Variants in NCAM2 observed in about 807,000 individuals in gnomAD.
The protein encoded by NCAM2 is N-CAM-2.
NCAM2 carries 30 observed loss-of-function variants against 98.1 expected under a neutral mutation model. The ratio of observed to expected loss-of-function variants is 0.31; its 90% CI spans 0.23 to 0.41. The LOEUF (loss-of-function observed/expected upper bound fraction) is 0.41, where lower values mean the gene tolerates loss of function less well. Among genes scored for constraint, NCAM2 ranks in the 10% least tolerant of loss-of-function variants. The pLI, the probability that NCAM2 is intolerant of heterozygous loss-of-function variation, is 1.00. For missense variants in NCAM2, 867 were observed against 1,005.8 expected (o/e 0.86, Z 1.87); for synonymous variants, 368 against 342.4 (o/e 1.07, Z -0.83).
intron 8 of NCAM2, among the ~76,000 whole-genome samples, chr21:21,345,538 T>A (rs1403890354): frequency 6.6e-6 from 1 of 151,692 alleles, no homozygotes; most frequent in Non-Finnish European, 1.5e-5. Flanking sequence ...GCAGAAGAAA[T>A]AGTCAGCTTG....
intron 15 of NCAM2, among the ~76,000 whole-genome samples, chr21:21,483,306 T>C (rs1421800040): frequency 1.3e-5 from 2 of 152,006 alleles, no homozygotes; most frequent in Non-Finnish European, 2.9e-5. Context: ...AATTCTGCCC[T>C]CTGGGAACAT....
intron 15 of NCAM2, among the ~76,000 whole-genome samples, chr21:21,479,219 A>G (rs991861623): frequency 6.6e-6 from 1 of 152,158 alleles, no homozygotes; most frequent in Admixed American, 6.5e-5. Context: ...CATAGATAAA[A>G]CATAAAATCA....
intron 1 of NCAM2, among the ~76,000 whole-genome samples, chr21:21,030,951 T>TAA (rs148221926): frequency 6.6e-6 from 1 of 151,942 alleles, no homozygotes; most frequent in East Asian, 1.9e-4. Context: ...GAATTTAAAA[T>TAA]AAAAAAGATA....
At chr21:21,389,960 C>T (rs900958230) in intron 9 of NCAM2, among the ~76,000 whole-genome samples, 2 of 152,188 alleles carry the variant, frequency 1.3e-5, no homozygotes, top group South Asian at 2.1e-4. Context: ...AGCTATTCTC[C>T]TGCCTCAGCC....
intron 1 of NCAM2, among the ~76,000 whole-genome samples, chr21:21,178,229 T>A (rs1472926314): frequency 6.6e-6 from 1 of 152,184 alleles, no homozygotes; most frequent in Non-Finnish European, 1.5e-5. Flanking sequence ...TATCTATATT[T>A]TTATTCCTTA....
chr21:21,165,248 A>T (rs1171774893), intron 1 of NCAM2, among the ~76,000 whole-genome samples: 1 of 152,140 alleles, frequency 6.6e-6, no homozygotes, highest in African/African-American at 2.4e-5. Flanking sequence ...CCCCTAAATG[A>T]TGAATGACAG....
intron 1 of NCAM2, among the ~76,000 whole-genome samples, chr21:21,119,251 A>G (rs1181212064): frequency 6.6e-6 from 1 of 152,142 alleles, no homozygotes; most frequent in Non-Finnish European, 1.5e-5. Context: ...TACTTTAATT[A>G]ATGTCACATC....
At chr21:21,047,603 T>C (rs1453776878) in intron 1 of NCAM2, among the ~76,000 whole-genome samples, 2 of 152,174 alleles carry the variant, frequency 1.3e-5, no homozygotes, top group Admixed American at 1.3e-4. Flanking sequence ...TTTCTACAAC[T>C]GTAGGGATAA....
intron 1 of NCAM2, among the ~76,000 whole-genome samples, chr21:21,226,982 G>A (rs939765373): frequency 1.3e-5 from 2 of 151,972 alleles, no homozygotes; most frequent in South Asian, 2.1e-4. Context: ...AGAACTATTA[G>A]CAAGTTGGTA....
chr21:21,251,147 A>T (rs1299076469), intron 1 of NCAM2, among the ~76,000 whole-genome samples: 2 of 152,068 alleles, frequency 1.3e-5, no homozygotes, highest in Middle Eastern at 6.3e-3. Context: ...ATAAGCCAGA[A>T]TTATTATTTT....
At chr21:21,328,209 A>G (rs924280293) in intron 6 of NCAM2, among the ~76,000 whole-genome samples, 7 of 152,172 alleles carry the variant, frequency 4.6e-5, no homozygotes, top group Non-Finnish European at 8.8e-5. Context: ...AGCTCAACAT[A>G]TTACTCATGA....
Position 21,020,954 on chromosome 21 carries a change from TC to T in NCAM2, c.55+22337del, listed in dbSNP as rs778535954. Among the ~76,000 whole-genome samples the T allele has an allele frequency of 3.3e-5, 5 of 152,150 alleles. No individual in the cohort carries two copies. The East Asian group carries it at 7.8e-4, about 24-fold the overall frequency. ...AGACAAAGTCCGTTTATCCCTCAAA[TC>T]TTTCTGTGGTGGTTATAGTAAAGAT... On this transcript the variant is annotated intron_variant, in intron 1 of 17. Transcript: ENST00000400546.
intron 1 of NCAM2, among the ~76,000 whole-genome samples, chr21:21,055,506 A>G (rs925258971): frequency 6.6e-6 from 1 of 152,126 alleles, no homozygotes; most frequent in Non-Finnish European, 1.5e-5. Flanking sequence ...GATAGGGAAC[A>G]TGAACAGCTC....
intron 1 of NCAM2, among the ~76,000 whole-genome samples, chr21:21,082,965 A>C (rs921632509): frequency 6.6e-6 from 1 of 152,224 alleles, no homozygotes; most frequent in African/African-American, 2.4e-5. Context: ...TCTTTTTAGA[A>C]ATCTGAGTTA....
chr21:21,173,373 G>A (rs1277789466), intron 1 of NCAM2, among the ~76,000 whole-genome samples: 2 of 152,162 alleles, frequency 1.3e-5, no homozygotes, highest in African/African-American at 2.4e-5. Context: ...CTTGCTTAGA[G>A]GCACATTAAT....
At chr21:21,522,239 G>A (rs1211714496) in intron 16 of NCAM2, among the ~76,000 whole-genome samples, 1 of 143,420 alleles carries the variant, frequency 7.0e-6, no homozygotes, top group Non-Finnish European at 1.5e-5. Flanking sequence ...TATTTATGAA[G>A]ATGAATATAT....
chr21:21,170,963 A>G (rs1159699871), intron 1 of NCAM2, among the ~76,000 whole-genome samples: 1 of 152,040 alleles, frequency 6.6e-6, no homozygotes, highest in Non-Finnish European at 1.5e-5. Context: ...AAAAAATGTT[A>G]CGAGTTGTGA....
intron 9 of NCAM2, among the ~76,000 whole-genome samples, chr21:21,390,059 A>C (rs1472023177): frequency 6.6e-6 from 1 of 152,158 alleles, no homozygotes; most frequent in African/African-American, 2.4e-5. Context: ...CATGTTGACC[A>C]GGATGGTCTC....
chr21:21,157,100 G>A (rs1054276420), intron 1 of NCAM2, among the ~76,000 whole-genome samples: 1 of 151,910 alleles, frequency 6.6e-6, no homozygotes, highest in Non-Finnish European at 1.5e-5. Flanking sequence ...CCTGCCACGT[G>A]TTCCTTATCC....
Sources: gnomAD v4.1 joint callset for allele counts (sites outside exome capture counted in the v4.1 genomes callset) on GRCh38, gnomAD v4.1.1 for gene constraint, MANE v1.5 for transcripts, NCBI Gene and HGNC (gene_info 2026-07-23, HGNC 2026-07-21) for gene names.